DMBT1: variants seen among roughly 807,000 people sequenced by gnomAD.
DMBT1 encodes the protein scavenger receptor cysteine-rich domain-containing protein DMBT1.
A neutral mutation model predicts 252.9 loss-of-function variants in DMBT1; 198 were observed. The observed-to-expected ratio is 0.78, with a 90% CI of 0.70 to 0.88. The LOEUF (loss-of-function observed/expected upper bound fraction) is 0.88, where lower values mean the gene tolerates loss of function less well. Among genes scored for constraint, DMBT1 ranks in the 40% least tolerant of loss-of-function variants. The pLI, the probability that DMBT1 is intolerant of heterozygous loss-of-function variation, is 0.00. For synonymous variants in DMBT1, 990 were observed against 942.7 expected (o/e 1.05, Z -0.92); for missense variants, 2,432 against 2,404.7 (o/e 1.01, Z -0.24).
At chr10:122,586,719 T>C (rs1046842110) in intron 16 of DMBT1, among the ~76,000 whole-genome samples, 25 of 147,856 alleles carry the variant, frequency 1.7e-4, no homozygotes, top group African/African-American at 5.8e-4. Flanking sequence ...AAGATAGAGG[T>C]TGATTTGGGT....
At position 122,579,619 on chromosome 10, in the gene DMBT1, G is replaced by C. The variant is rs368897345; in HGVS notation, c.721G>C (p.Asp241His). The change falls in exon 10 of 56, where the codon GAC (aspartate) becomes CAC (histidine). Residue 241 changes from aspartate (D) to histidine (H), a missense_variant. Transcript: ENST00000338354. ...SLALRLVNGG[D>H]RCRGRVEVLY... ...GGCCCTGAGGCTGGTGAATGGAGGC[G>C]ACAGGTGTCGAGGCCGAGTGGAGGT... The C allele has an allele frequency of 6.2e-7, 1 of 1,613,580 alleles. No individual in the cohort carries two copies. The highest frequency in any genetic ancestry group is 2.2e-5 in the East Asian group (1 of 44,876).
chr10:122,629,470 G>T (rs917484415), intron 46 of DMBT1, among the ~76,000 whole-genome samples: 1 of 152,220 alleles, frequency 6.6e-6, no homozygotes, highest in African/African-American at 2.4e-5. Flanking sequence ...TGCTCTCCAC[G>T]GGTCAGCACT....
Position 122,636,190 on chromosome 10 carries a change from G to A in DMBT1, c.6748G>A (p.Asp2250Asn), listed in dbSNP as rs1233078328. The A allele has an allele frequency of 1.2e-6, 2 of 1,613,084 alleles. No individual in the cohort carries two copies. Among genetic ancestry groups the A allele is most frequent in the South Asian group, 1.1e-5 (1 of 90,904 alleles). ...TGAGTACTACTCCAGTCCCTCCAAT[G>A]ACAGCACCAGTAAGTCCCCTTGTGG... ...RAEYYSSPSN[D>N]STNLLCLPNH... Residue 2250 changes from aspartate to asparagine, a missense_variant, in exon 53 of 56, where the codon GAC becomes AAC. Around this residue, in one of 3 missense-constraint regions of DMBT1, gnomAD observed 1,162 missense variants for 1,169.0 expected, o/e 0.99. Coordinates refer to ENST00000338354, the MANE Select transcript of DMBT1 (RefSeq NM_001377530.1).
At chr10:122,579,404 AGTAG>A (rs1330601008) in intron 9 of DMBT1, among the ~76,000 whole-genome samples, 170 bp from the exon 10 acceptor site, 1 of 152,184 alleles carries the variant, frequency 6.6e-6, no homozygotes, top group East Asian at 1.9e-4. Flanking sequence ...ACCTGGGCAG[AGTAG>A]GTTATCAGTG....
intron 16 of DMBT1, among the ~76,000 whole-genome samples, chr10:122,586,930 A>C (rs1294982555): frequency 6.7e-6 from 1 of 148,340 alleles, no homozygotes; most frequent in Non-Finnish European, 1.5e-5. Context: ...GGAGGAAGCA[A>C]GAAAGAGCAA....
Position 122,618,066 on chromosome 10 carries a change from T to C in DMBT1, c.4941T>C (p.Cys1647=), listed in dbSNP as rs747695066. The C allele has an allele frequency of 2.5e-6, 4 of 1,613,600 alleles. No homozygotes were observed. In the South Asian group the frequency reaches 4.4e-5, roughly 18 times the overall value. ...ALRLVNGGDR[C]RGRVEVLYQG... ...GACTGGTGAATGGAGGTGACAGGTGTCGAGGCCGAGTGGAGGTCCTATACC... is the reference window on the plus strand; with the variant it reads ...GACTGGTGAATGGAGGTGACAGGTGCCGAGGCCGAGTGGAGGTCCTATACC... Residue 1647 remains cysteine (C), a synonymous_variant, in exon 41 of 56, where the codon TGT becomes TGC. Coordinates refer to ENST00000338354, the MANE Select transcript of DMBT1 (RefSeq NM_001377530.1).
intron 1 of DMBT1, among the ~76,000 whole-genome samples, chr10:122,565,502 A>G (rs1052684934): frequency 1.3e-5 from 2 of 152,208 alleles, no homozygotes; most frequent in African/African-American, 4.8e-5. Flanking sequence ...CTAGATTTCC[A>G]TTTGCTTCAA....
Position 122,572,351 on chromosome 10 carries a change from C to T in DMBT1, c.225C>T (p.Thr75=), listed in dbSNP as rs7084792. 1,609,376 of 1,613,274 alleles carry T rather than the reference C, an allele frequency of 1. 802,806 individuals carry two copies. Among genetic ancestry groups the T allele is most frequent in the East Asian group, 1 (44,864 of 44,864 alleles). ...PISLESTLES[T]VAEGSLIPSE... ...CCTTGGAGTCAACCCTGGAGTCAAC[C>T]GTAGCAGAAGGTAACGTCTACTATG... Residue 75 remains threonine (T), a synonymous_variant, in exon 5 of 56, where the codon ACC becomes ACT. Transcript: ENST00000338354.
intron 19 of DMBT1, among the ~76,000 whole-genome samples, chr10:122,592,040 C>T (rs569112177): frequency 6.7e-6 from 1 of 148,664 alleles, no homozygotes; most frequent in Admixed American, 6.7e-5. Context: ...CTGTCACCTC[C>T]ACTGGGGTCA....
At chr10:122,588,798 G>A (rs2097819768) in intron 16 of DMBT1, 146 bp from the exon 17 acceptor site, 2 of 1,419,426 alleles carry the variant, frequency 1.4e-6, no homozygotes, top group Admixed American at 1.8e-5. Context: ...CTGTGATGAA[G>A]CTGAACCTCT....
Position 122,640,356 on chromosome 10 carries a change from C to G in DMBT1, c.7259C>G (p.Ser2420Cys). ...TACGTTCAGGCTGAAATCCTCCATTCTGATGCTGTACTGACCTTGTTTGTG... is the reference window on the plus strand; with the variant it reads ...TACGTTCAGGCTGAAATCCTCCATTGTGATGCTGTACTGACCTTGTTTGTG... ...DLYVQAEILH[S>C]DAVLTLFVDT... Residue 2420 changes from serine to cysteine, a missense_variant, in exon 55 of 56, where the codon TCT (serine) becomes TGT (cysteine). By Grantham distance (112) the Ser-to-Cys change is moderately radical. This residue lies in a region of DMBT1 where 1,162 missense variants were observed against 1,169.0 expected (regional missense o/e 0.99). Transcript: ENST00000338354. 6.2e-7 allele frequency: 1 copy of G among 1,614,092 alleles called. No individual in the cohort carries two copies. Among genetic ancestry groups the G allele is most frequent in the Non-Finnish European group, 8.5e-7 (1 of 1,179,912 alleles).
rs1565692445 is a variant in DMBT1, at chr10:122,586,286, C to T, written c.1686C>T (p.Arg562=). 1 of 1,588,724 alleles carries T rather than the reference C, an allele frequency of 6.3e-7. No homozygotes were observed. Among genetic ancestry groups the T allele is most frequent in the South Asian group, 1.1e-5 (1 of 86,994 alleles). ...GACCCATTGTCCTGGATGACGTGCG[C>T]TGCTCAGGGAATGAGTCCTACTTGT... ...GSGPIVLDDV[R]CSGNESYLWS... The change falls in exon 16 of 56, where the codon CGC becomes CGT. Residue 562 remains arginine (R), a synonymous_variant. Coordinates refer to ENST00000338354, the MANE Select transcript of DMBT1 (RefSeq NM_001377530.1).
chr10:122,591,666 AC>A, intron 19 of DMBT1, 149 bp downstream of exon 19: 1 of 951,870 alleles, frequency 1.1e-6, no homozygotes, highest in Non-Finnish European at 1.6e-6. Flanking sequence ...TCTCTGGGGA[AC>A]CAGTCCCGGG....
At chr10:122,622,984 C>G (rs1430699343) in intron 44 of DMBT1, among the ~76,000 whole-genome samples, 1 of 152,130 alleles carries the variant, frequency 6.6e-6, no homozygotes, top group Non-Finnish European at 1.5e-5. Context: ...ATGTTCATTA[C>G]CATCATCTCT....
At chr10:122,570,843 C>A (rs775168768) in intron 3 of DMBT1, 47 bp from the exon 4 acceptor site, 1 of 1,602,494 alleles carries the variant, frequency 6.2e-7, no homozygotes, top group East Asian at 2.2e-5. Context: ...CAACCCTCCC[C>A]AAACAAGGGC....
chr10:122,618,489 T>G (rs2098024198), intron 41 of DMBT1, 149 bp downstream of exon 41: 1 of 1,466,864 alleles, frequency 6.8e-7, no homozygotes, highest in Non-Finnish European at 9.1e-7. Context: ...AGAATCTTTA[T>G]GAATTTTGCT....
At chr10:122,581,474 C>T (rs953704875) in intron 11 of DMBT1, among the ~76,000 whole-genome samples, 3 of 149,716 alleles carry the variant, frequency 2.0e-5, no homozygotes, top group Non-Finnish European at 4.4e-5. Context: ...TGGCAGTGTC[C>T]GAGCTTCAGC....
rs1405376540 is a variant in DMBT1, at chr10:122,579,821, C to G, written c.923C>G (p.Ser308Cys). 1 of 1,613,494 alleles carries G rather than the reference C, an allele frequency of 6.2e-7. No individual in the cohort carries two copies. The highest frequency in any genetic ancestry group is 1.3e-5 in the African/African-American group (1 of 74,900). ...LDDVRCSGHE[S>C]YLWSCPHNGW... ...GATGTGCGCTGCTCAGGACATGAGT[C>G]CTACCTGTGGAGCTGCCCCCACAAT... Residue 308 changes from serine to cysteine, a missense_variant, in exon 10 of 56, where the codon TCC becomes TGC. Physicochemically the swap from Ser to Cys is moderately radical, Grantham distance 112. Transcript: ENST00000338354.
intron 16 of DMBT1, among the ~76,000 whole-genome samples, chr10:122,587,412 C>A (rs114981386): frequency 0.011 from 1,605 of 148,890 alleles, 51 homozygotes; most frequent in African/African-American, 0.036. Flanking sequence ...CCCTCCAGAG[C>A]ACTGCAGTGT....
Sources: allele counts gnomAD v4.1 joint callset (sites outside exome capture counted in the v4.1 genomes callset), GRCh38; gene constraint gnomAD v4.1.1; regional missense constraint gnomAD v4.1.1; transcripts MANE v1.5; gene names NCBI Gene and HGNC (gene_info 2026-07-23, HGNC 2026-07-21).